The following SGCZ variants were observed in gnomAD, a reference collection of about 807,000 sequenced individuals.
SGCZ encodes sarcoglycan zeta.
Under a neutral mutation model 41.3 loss-of-function variants are expected in SGCZ, and 40 were observed. The ratio of observed to expected loss-of-function variants is 0.97; its 90% CI spans 0.75 to 1.26. The LOEUF (loss-of-function observed/expected upper bound fraction) is 1.26. Among genes scored for constraint, SGCZ ranks in the 50% most tolerant of loss-of-function variants. SGCZ has a pLI of 0.00. For missense variants in SGCZ, 552 were observed against 369.8 expected, an observed-to-expected ratio of 1.49 and a Z score of -4.04; for synonymous variants, 206 against 137.5, an observed-to-expected ratio of 1.50 and a Z score of -3.49.
chr8:14,193,664 G>C (rs1318645115), intron 4 of SGCZ, among the ~76,000 whole-genome samples: 2 of 151,978 alleles, frequency 1.3e-5, no homozygotes, highest in African/African-American at 4.8e-5. Context: ...ACAAGTTTAT[G>C]TCTAACAATA....
intron 1 of SGCZ, among the ~76,000 whole-genome samples, chr8:14,662,956 C>A (rs1464503443): frequency 6.6e-6 from 1 of 152,070 alleles, no homozygotes; most frequent in Admixed American, 6.6e-5. Flanking sequence ...GCAAGAAAAC[C>A]GGAATCTCAG....
chr8:14,204,654 G>C (rs1321211382), intron 4 of SGCZ, among the ~76,000 whole-genome samples: 1 of 152,104 alleles, frequency 6.6e-6, no homozygotes, highest in Non-Finnish European at 1.5e-5. Flanking sequence ...CTCAATATGG[G>C]TGAACACCAT....
intron 1 of SGCZ, among the ~76,000 whole-genome samples, chr8:14,568,944 G>C (rs1804467282): frequency 6.6e-6 from 1 of 152,104 alleles, no homozygotes; most frequent in Admixed American, 6.5e-5. Context: ...AATTGTATTT[G>C]AGTCAAAATA....
intron 1 of SGCZ, among the ~76,000 whole-genome samples, chr8:14,823,845 G>A (rs923234699): frequency 2.6e-5 from 4 of 152,114 alleles, no homozygotes; most frequent in African/African-American, 9.7e-5. Flanking sequence ...AGTAACAGAT[G>A]AATGGGTAAA....
At chr8:15,078,928 A>G (rs2131041144) in intron 1 of SGCZ, among the ~76,000 whole-genome samples, 1 of 151,952 alleles carries the variant, frequency 6.6e-6, no homozygotes, top group African/African-American at 2.4e-5. Flanking sequence ...TTCCCCCTCA[A>G]CTTTATGGAT....
rs143135948 is a variant in SGCZ, at chr8:14,483,116, G to C, written c.234+71616C>G. Among the ~76,000 whole-genome samples, 411 of 152,236 alleles carry C rather than the reference G, an allele frequency of 2.7e-3. 3 individuals are homozygous for C. The highest frequency in any genetic ancestry group is 9.0e-3 in the African/African-American group (373 of 41,540). On this transcript the variant is annotated intron_variant, in intron 2 of 7. Coordinates refer to ENST00000382080, the MANE Select transcript of SGCZ (RefSeq NM_139167.4). Reference sequence around the variant, plus strand: ...CCACACTTAAACATTGAAATCATCTGTGTGTATTTTAATACTCATGAAGTT... The same window carrying C: ...CCACACTTAAACATTGAAATCATCTCTGTGTATTTTAATACTCATGAAGTT...
At chr8:14,200,174 T>C (rs558037093) in intron 4 of SGCZ, among the ~76,000 whole-genome samples, 2 of 152,308 alleles carry the variant, frequency 1.3e-5, no homozygotes, top group East Asian at 3.9e-4. Context: ...AAATTCTGTA[T>C]GCTGAAAGCT....
intron 1 of SGCZ, among the ~76,000 whole-genome samples, chr8:15,077,686 C>A (rs1805590477): frequency 6.6e-6 from 1 of 152,150 alleles, no homozygotes; most frequent in African/African-American, 2.4e-5. Flanking sequence ...ATCTTACTCC[C>A]TCTGCTGGGA....
intron 7 of SGCZ, among the ~76,000 whole-genome samples, chr8:14,094,138 T>A (rs1257157670): frequency 6.6e-6 from 1 of 152,112 alleles, no homozygotes; most frequent in Non-Finnish European, 1.5e-5. Flanking sequence ...AAACCCTTTT[T>A]TTAAAAAGAT....
chr8:14,220,626 A>AG (rs1806159823), intron 4 of SGCZ, among the ~76,000 whole-genome samples: 1 of 152,140 alleles, frequency 6.6e-6, no homozygotes, highest in African/African-American at 2.4e-5. Context: ...CTAAAAAAAA[A>AG]TAATACAAAA....
At position 14,876,030 on chromosome 8, in the gene SGCZ, C is replaced by A. The variant is rs1259753844; in HGVS notation, c.40-321104G>T. 3.9e-5 allele frequency among the ~76,000 whole-genome samples: 6 copies of A among 152,110 alleles called. No individual in the cohort carries two copies. In the East Asian group the frequency reaches 1.2e-3, roughly 29 times the overall value. The stretch of plus-strand genomic sequence containing the variant: ...CTGGTAATTAACAAAAGCCACAGAA[C>A]AAATGAAAATATAGTCTATGCAACT... On this transcript the variant is annotated intron_variant, in intron 1 of 7. Coordinates refer to ENST00000382080, the MANE Select transcript of SGCZ (RefSeq NM_139167.4).
At chr8:14,677,023 A>C (rs2117528376) in intron 1 of SGCZ, among the ~76,000 whole-genome samples, 1 of 152,238 alleles carries the variant, frequency 6.6e-6, no homozygotes, top group East Asian at 1.9e-4. Flanking sequence ...GAAATAAAAC[A>C]ATATTTGTTA....
chr8:14,595,644 T>C (rs1805386895), intron 1 of SGCZ, among the ~76,000 whole-genome samples: 1 of 152,202 alleles, frequency 6.6e-6, no homozygotes, highest in African/African-American at 2.4e-5. Flanking sequence ...CCTCCTTTTA[T>C]GAGGGCATCA....
chr8:14,948,223 C>G (rs1337036598), intron 1 of SGCZ, among the ~76,000 whole-genome samples: 1 of 152,082 alleles, frequency 6.6e-6, no homozygotes, highest in East Asian at 1.9e-4. Context: ...ATATCATAAT[C>G]AATATTGCCT....
At chr8:14,760,049 T>G (rs962280619) in intron 1 of SGCZ, among the ~76,000 whole-genome samples, 3 of 152,162 alleles carry the variant, frequency 2.0e-5, no homozygotes, top group Non-Finnish European at 4.4e-5. Context: ...AAATGCACAA[T>G]TCCTCTAACT....
chr8:14,284,300 G>C (rs1800546178), intron 3 of SGCZ, among the ~76,000 whole-genome samples: 1 of 152,302 alleles, frequency 6.6e-6, no homozygotes, highest in African/African-American at 2.4e-5. Flanking sequence ...GGCTGAGGTG[G>C]GAGGATGGCT....
At chr8:14,338,849 C>A (rs116560156) in intron 2 of SGCZ, among the ~76,000 whole-genome samples, 5,020 of 152,050 alleles carry the variant, frequency 0.033, 135 homozygotes, top group Middle Eastern at 0.051. Context: ...GACAAGAGTG[C>A]TCATGTTTTA....
chr8:14,380,291 C>G (rs2117188119), intron 2 of SGCZ, among the ~76,000 whole-genome samples: 1 of 152,140 alleles, frequency 6.6e-6, no homozygotes, highest in South Asian at 2.1e-4. Context: ...TCTTTCATTT[C>G]TTTGATGCTT....
chr8:14,600,210 T>C (rs1021263681), intron 1 of SGCZ, among the ~76,000 whole-genome samples: 1 of 152,210 alleles, frequency 6.6e-6, no homozygotes, highest in Non-Finnish European at 1.5e-5. Context: ...CCTTGTCTTC[T>C]TCATATCTGT....
Sources: allele counts gnomAD v4.1 joint callset (sites outside exome capture counted in the v4.1 genomes callset), GRCh38; gene constraint gnomAD v4.1.1; transcripts MANE v1.5; gene names NCBI Gene and HGNC (gene_info 2026-07-23, HGNC 2026-07-21).